CCDC171: variants seen among roughly 807,000 people sequenced by gnomAD.
The protein encoded by CCDC171 is coiled-coil domain containing 171, also known as coiled-coil domain-containing protein 171.
A neutral mutation model predicts 168.2 loss-of-function variants in CCDC171; 177 were observed. That is an observed-to-expected ratio of 1.05 (90% CI 0.93 to 1.19). CCDC171 has a LOEUF of 1.19. Ranked by LOEUF, CCDC171 falls within the 50% of genes most tolerant of loss-of-function variation. The pLI is 0.00. For synonymous variants in CCDC171, 687 were observed against 540.8 expected (o/e 1.27, Z -3.75); for missense variants, 1,991 against 1,539.0 (o/e 1.29, Z -4.91).
At chr9:15,683,199 A>G (rs995662000) in intron 10 of CCDC171, among the ~76,000 whole-genome samples, 1 of 152,020 alleles carries the variant, frequency 6.6e-6, no homozygotes. Flanking sequence ...TTTATTCTCT[A>G]AAGAACTTGT....
chr9:15,657,140 G>T lies in CCDC171; in HGVS notation c.836G>T (p.Arg279Ile). ...ATTTGTTTTCAGGCAACTACTCTAA[G>T]AGTGAGGAAATTAGAAGAAAACATT... ...LRKEFEATTL[R>I]VRKLEENIEA... Residue 279 changes from arginine (R) to isoleucine (I), a missense_variant, in exon 8 of 26, where the codon AGA (arginine) becomes ATA (isoleucine). Transcript: ENST00000380701. 1 of 1,604,606 alleles carries T rather than the reference G, an allele frequency of 6.2e-7. No individual in the cohort carries two copies. The highest frequency in any genetic ancestry group is 1.1e-5 in the South Asian group (1 of 90,462).
intron 7 of CCDC171, among the ~76,000 whole-genome samples, chr9:15,631,855 G>T (rs1460108490): frequency 6.6e-6 from 1 of 152,154 alleles, no homozygotes; most frequent in East Asian, 1.9e-4. Context: ...GGGATGCAAG[G>T]CTGTTTCAAT....
Position 15,744,565 on chromosome 9 carries a change from A to G in CCDC171, c.2342A>G (p.Glu781Gly), listed in dbSNP as rs1183293161. ...GCCCAGGCTTTGTCAACTGTAGAGG[A>G]AAAGAAGCAAGAGGAAGCCAAGATG... ...TLAQALSTVE[E>G]KKQEEAKMKK... Residue 781 changes from glutamate (E) to glycine (G), a missense_variant, in exon 17 of 26, where the codon GAA becomes GGA. Coordinates refer to ENST00000380701, the MANE Select transcript of CCDC171 (RefSeq NM_173550.4). The G allele has an allele frequency of 6.2e-7, 1 of 1,614,190 alleles. No individual in the cohort carries two copies. Among genetic ancestry groups the G allele is most frequent in the South Asian group, 1.1e-5 (1 of 91,088 alleles).
intron 18 of CCDC171, among the ~76,000 whole-genome samples, chr9:15,765,357 G>A (rs994574731): frequency 3.9e-5 from 6 of 151,920 alleles, no homozygotes; most frequent in African/African-American, 7.3e-5. Context: ...ATGATTCAAC[G>A]AATGAAAGAA....
chr9:15,740,863 G>A (rs2054830708), intron 16 of CCDC171, among the ~76,000 whole-genome samples: 1 of 152,066 alleles, frequency 6.6e-6, no homozygotes, highest in South Asian at 2.1e-4. Flanking sequence ...GTTTTTTGGT[G>A]GAATTGTACT....
intron 4 of CCDC171, among the ~76,000 whole-genome samples, chr9:15,580,456 C>G (rs137889705): frequency 6.6e-6 from 1 of 152,132 alleles, no homozygotes; most frequent in Non-Finnish European, 1.5e-5. Flanking sequence ...ACAGCACAGA[C>G]TGGGAGAAAA....
At chr9:15,943,861 T>C (rs1827995231) in intron 25 of CCDC171, among the ~76,000 whole-genome samples, 1 of 151,942 alleles carries the variant, frequency 6.6e-6, no homozygotes, top group Non-Finnish European at 1.5e-5. Context: ...CTCATGGGGT[T>C]TGAAAAGATA....
intron 18 of CCDC171, among the ~76,000 whole-genome samples, chr9:15,769,809 C>A (rs1478550106): frequency 6.6e-6 from 1 of 152,138 alleles, no homozygotes; most frequent in Non-Finnish European, 1.5e-5. Context: ...TCAGTATTCT[C>A]TAAATACGAA....
At chr9:15,692,708 T>G (rs1262338407) in intron 10 of CCDC171, among the ~76,000 whole-genome samples, 5 of 151,664 alleles carry the variant, frequency 3.3e-5, no homozygotes, top group African/African-American at 9.7e-5. Flanking sequence ...TTTGTATATT[T>G]AGTAGAGACG....
At chr9:15,914,829 C>T (rs554811324) in intron 24 of CCDC171, among the ~76,000 whole-genome samples, 9 of 152,232 alleles carry the variant, frequency 5.9e-5, no homozygotes, top group Admixed American at 3.9e-4. Context: ...GTGGGAAAAG[C>T]GTAGTATCTG....
At chr9:15,823,632 G>A (rs1022857565) in intron 21 of CCDC171, among the ~76,000 whole-genome samples, 1 of 152,042 alleles carries the variant, frequency 6.6e-6, no homozygotes, top group African/African-American at 2.4e-5. Flanking sequence ...ATACGCATGA[G>A]GACGCTGCTT....
At chr9:15,736,452 G>C (rs1168909737) in intron 16 of CCDC171, among the ~76,000 whole-genome samples, 1 of 151,886 alleles carries the variant, frequency 6.6e-6, no homozygotes, top group Non-Finnish European at 1.5e-5. Flanking sequence ...CCAGGCTTAA[G>C]AGATTCCCCC....
At chr9:15,623,684 T>C (rs2044772313) in intron 7 of CCDC171, among the ~76,000 whole-genome samples, 1 of 152,192 alleles carries the variant, frequency 6.6e-6, no homozygotes, top group Non-Finnish European at 1.5e-5. Flanking sequence ...CAATTAACTC[T>C]CATGGAATAT....
chr9:16,036,665 A>G (rs1274289437), intron 8 of CCDC171, among the ~76,000 whole-genome samples: 1 of 152,160 alleles, frequency 6.6e-6, no homozygotes, highest in African/African-American at 2.4e-5. Flanking sequence ...ACAAGCAAAA[A>G]ACAAATTTAC....
At chr9:15,787,919 A>T (rs1053039467) in intron 21 of CCDC171, among the ~76,000 whole-genome samples, 1 of 152,196 alleles carries the variant, frequency 6.6e-6, no homozygotes, top group Non-Finnish European at 1.5e-5. Flanking sequence ...ATGTCCTATT[A>T]ATAGATAATG....
chr9:15,856,609 A>G (rs1319345277), intron 23 of CCDC171, among the ~76,000 whole-genome samples: 1 of 151,954 alleles, frequency 6.6e-6, no homozygotes, highest in Non-Finnish European at 1.5e-5. Context: ...TTATCTCTCA[A>G]TAGACATTTA....
intron 3 of CCDC171, among the ~76,000 whole-genome samples, chr9:15,981,838 AG>A (rs776002028): frequency 2.0e-4 from 31 of 152,152 alleles, no homozygotes; most frequent in Admixed American, 8.5e-4. Flanking sequence ...TTAAATGGCT[AG>A]GGTTATTTGA....
intron 25 of CCDC171, among the ~76,000 whole-genome samples, chr9:15,958,686 G>T (rs1830054669): frequency 6.6e-6 from 1 of 152,010 alleles, no homozygotes; most frequent in Admixed American, 6.6e-5. Flanking sequence ...GCATGCAAAA[G>T]TGGCTCCAAG....
chr9:15,975,691 C>A (rs535484983), downstream of CCDC171, among the ~76,000 whole-genome samples: 2 of 152,168 alleles, frequency 1.3e-5, no homozygotes, highest in South Asian at 4.2e-4. Flanking sequence ...ATGACATATG[C>A]CAAATAAAGC....
Sources: gnomAD v4.1 joint callset for allele counts (sites outside exome capture counted in the v4.1 genomes callset) on GRCh38, gnomAD v4.1.1 for gene constraint, MANE v1.5 for transcripts, NCBI Gene and HGNC (gene_info 2026-07-23, HGNC 2026-07-21) for gene names.